FGB: variants seen among roughly 807,000 people sequenced by gnomAD.
The protein encoded by FGB is beta-fibrinogen.
Under a neutral mutation model 57.9 loss-of-function variants are expected in FGB, and 25 were observed. The ratio of observed to expected loss-of-function variants is 0.43; its 90% CI spans 0.31 to 0.60. The LOEUF is 0.60. Ranked by LOEUF, FGB falls within the 20% of genes least tolerant of loss-of-function variation. The pLI is 0.08. For synonymous variants in FGB, 203 were observed against 199.2 expected (o/e 1.02, Z -0.16); for missense variants, 536 against 598.4 (o/e 0.90, Z 1.09).
Position 154,569,650 on chromosome 4 carries a change from C to T in FGB, c.1095C>T (p.Ala365=). The change falls in exon 7 of 8, where the codon GCC becomes GCT. Residue 365 remains alanine (A), a synonymous_variant. Transcript: ENST00000302068. ...HYGGFTVQNE[A]NKYQISVNKY... is the part of the protein sequence containing the mutation. ...GAGGATTCACTGTACAGAATGAAGCCAACAAATACCAGATCTCAGTGAACA... is the reference window on the plus strand; with the variant it reads ...GAGGATTCACTGTACAGAATGAAGCTAACAAATACCAGATCTCAGTGAACA... 1 of 1,613,998 alleles carries T rather than the reference C, an allele frequency of 6.2e-7. No individual in the cohort carries two copies.
At chr4:154,564,116 C>T (rs1560816098) in intron 1 of FGB, among the ~76,000 whole-genome samples, 1 of 151,828 alleles carries the variant, frequency 6.6e-6, no homozygotes, top group African/African-American at 2.4e-5. Flanking sequence ...ATGTGTAAGA[C>T]GAAATTTTTG....
rs1262507321 is a variant in FGB at position 154,570,833 on chromosome 4, A to G, written c.*183A>G. On this transcript the variant is annotated 3_prime_UTR_variant, in exon 8 of 8. Transcript: ENST00000302068. The stretch of plus-strand genomic sequence containing the variant: ...CACATGATTTTCTTTTGTTTTCTTC[A>G]TTTCTCTTGCTCACCAAGAAGTAAC... 8 of 641,532 alleles carry G rather than the reference A, an allele frequency of 1.2e-5. No individual in the cohort carries two copies. The highest frequency in any genetic ancestry group is 2.4e-5 in the Admixed American group (1 of 41,216). The allele number at this position is 641,532 out of a possible 1,614,324, so 39.7% of individuals were successfully genotyped here. A position where few individuals can be genotyped will look rare whatever the true frequency, so the allele number is the denominator to read the frequency against.
In FGB at chr4:154,567,827, G is replaced by A. The variant is rs766764499; in HGVS notation, c.718+7G>A. The A allele has an allele frequency of 6.3e-7, 1 of 1,592,404 alleles. No individual in the cohort carries two copies. The highest frequency in any genetic ancestry group is 2.2e-5 in the East Asian group (1 of 44,776). On this transcript the variant is annotated splice_region_variant and intron_variant, in intron 4 of 7. Transcript: ENST00000302068. ...CCTGTGGTGTCTGGCAAAGGTAACT[G>A]ATTCATAAACATATTTTTAGAGAGT...
chr4:154,567,898 C>A (rs906281760), intron 4 of FGB, 78 bp downstream of exon 4: 18 of 1,025,754 alleles, frequency 1.8e-5, no homozygotes, highest in African/African-American at 7.8e-5. Context: ...ACAACAACAA[C>A]AAAAATGCTA....
At position 154,566,832 on chromosome 4, in the gene FGB, C is replaced by T. The variant is rs2227407; in HGVS notation, c.490+160C>T. Reference sequence around the variant, plus strand: ...TCCCCTGCAACTTGCCAGATAAGCACTATTCAGCTCTTATTCCCAGTCTGA... The same window carrying T: ...TCCCCTGCAACTTGCCAGATAAGCATTATTCAGCTCTTATTCCCAGTCTGA... On this transcript the variant is annotated intron_variant, in intron 3 of 7. Coordinates refer to ENST00000302068, the MANE Select transcript of FGB (RefSeq NM_005141.5). 124,410 of 676,624 alleles carry T rather than the reference C, an allele frequency of 0.18. 12,326 individuals carry two copies. Among genetic ancestry groups the T allele is most frequent in the Middle Eastern group, 0.24 (623 of 2,568 alleles). The allele number at this position is 676,624 out of a possible 1,614,324, so 41.9% of individuals were successfully genotyped here.
chr4:154,570,693 T>G lies in FGB; in HGVS notation c.*43T>G. 1 of 1,426,374 alleles carries G rather than the reference T, an allele frequency of 7.0e-7. No individual in the cohort carries two copies. 88.4% of individuals were successfully genotyped at this position (1,426,374 alleles called of 1,614,324 possible). On this transcript the variant is annotated 3_prime_UTR_variant, in exon 8 of 8. Transcript: ENST00000302068. Reference sequence around the variant, plus strand: ...TTTGCTCTTCTGTATGTGACAACATTTTTGTACATTATGTTATTGGAATTT... The same window carrying G: ...TTTGCTCTTCTGTATGTGACAACATGTTTGTACATTATGTTATTGGAATTT...
chr4:154,566,118 AT>A, intron 2 of FGB, 119 bp downstream of exon 2: 1 of 906,588 alleles, frequency 1.1e-6, no homozygotes, highest in Non-Finnish European at 1.7e-6. Context: ...TTGTTTGTTT[AT>A]TTTGGAAATA....
intron 5 of FGB, 44 bp downstream of exon 5, chr4:154,568,538 G>A (rs1421424542): frequency 9.3e-7 from 1 of 1,074,338 alleles, no homozygotes; most frequent in Non-Finnish European, 1.4e-6. Flanking sequence ...GTAATTATTT[G>A]GATACCGTAA....
rs575941477 is a variant in FGB at position 154,571,894 on chromosome 4, A to T, written c.*1244A>T. The stretch of plus-strand genomic sequence containing the variant: ...CCTCTTAATCTTTTCATGTAAGCAA[A>T]GCTCATTAATTTCTGTCTTGGAAAT... On this transcript the variant is annotated 3_prime_UTR_variant, in exon 8 of 8. Transcript: ENST00000302068. 6.6e-6 allele frequency among the ~76,000 whole-genome samples: 1 copy of T among 152,092 alleles called. No individual in the cohort carries two copies. The highest frequency in any genetic ancestry group is 1.5e-5 in the Non-Finnish European group (1 of 68,018).
At position 154,569,743 on chromosome 4, in the gene FGB, C is replaced by G. The variant is rs1398387017; in HGVS notation, c.1188C>G (p.Thr396=). The change falls in exon 7 of 8, where the codon ACC becomes ACG. Residue 396 remains threonine (T), a synonymous_variant. Coordinates refer to ENST00000302068, the MANE Select transcript of FGB (RefSeq NM_005141.5). ...GASQLMGENR[T]MTIHNGMFFS... ...CTCAGCTGATGGGAGAAAACAGGAC[C>G]ATGACCATTCACAACGGCATGTTCT... is the stretch of plus-strand genomic sequence containing the variant. 10 of 1,614,116 alleles carry G rather than the reference C, an allele frequency of 6.2e-6. No homozygotes were observed. The highest frequency in any genetic ancestry group is 8.5e-6 in the Non-Finnish European group (10 of 1,180,016).
intron 2 of FGB, 149 bp downstream of exon 2, chr4:154,566,148 T>C: frequency 1.2e-6 from 1 of 822,866 alleles, no homozygotes; most frequent in African/African-American, 1.7e-5. Flanking sequence ...AACATAAACA[T>C]ATTGGGCCTT....
rs1730326972 is a variant in FGB at position 154,569,603 on chromosome 4, G to A, written c.1048G>A (p.Asp350Asn). Residue 350 changes from aspartate to asparagine, a missense_variant, in exon 7 of 8, where the codon GAC (aspartate) becomes AAC (asparagine). Physicochemically the swap from Asp to Asn is conservative, Grantham distance 23. Coordinates refer to ENST00000302068, the MANE Select transcript of FGB (RefSeq NM_005141.5). ...GATAGAAATGGAGGACTGGAAAGGAGACAAAGTAAAGGCTCACTATGGAGG... is the reference window on the plus strand; with the variant it reads ...GATAGAAATGGAGGACTGGAAAGGAAACAAAGTAAAGGCTCACTATGGAGG... ...LLIEMEDWKG[D>N]KVKAHYGGFT... 11 of 1,614,124 alleles carry A rather than the reference G, an allele frequency of 6.8e-6. No individual in the cohort carries two copies. Among genetic ancestry groups the A allele is most frequent in the Non-Finnish European group, 9.3e-6 (11 of 1,180,014 alleles).
Position 154,568,511 on chromosome 4 carries a change from T to TCAACAACTGTCGAAA in FGB, c.832+17_832+18insCAACAACTGTCGAAA. On this transcript the variant is annotated intron_variant, in intron 5 of 7. Transcript: ENST00000302068. Reference sequence around the variant, plus strand: ...AAAATGGAGGTAAGCTTTCGACAGTTGTTGACCTGTTGATCTGTAATTATT... The same window carrying TCAACAACTGTCGAAA: ...AAAATGGAGGTAAGCTTTCGACAGTTCAACAACTGTCGAAAGTTGACCTGTTGATCTGTAATTATT... 8.1e-7 allele frequency: 1 copy of TCAACAACTGTCGAAA among 1,230,990 alleles called. No homozygotes were observed. Among genetic ancestry groups the TCAACAACTGTCGAAA allele is most frequent in the Non-Finnish European group, 1.2e-6 (1 of 830,770 alleles). 76.3% of individuals were successfully genotyped at this position (1,230,990 alleles called of 1,614,324 possible).
chr4:154,568,366 G>A lies in FGB; in HGVS notation c.719-15G>A, dbSNP rs773671572. 19 of 1,309,254 alleles carry A rather than the reference G, an allele frequency of 1.5e-5. No individual in the cohort carries two copies. The highest frequency in any genetic ancestry group is 2.1e-5 in the Non-Finnish European group (19 of 901,742). 81.1% of individuals were successfully genotyped at this position (1,309,254 alleles called of 1,614,324 possible). On this transcript the variant is annotated splice_polypyrimidine_tract_variant and intron_variant, in intron 4 of 7. Coordinates refer to ENST00000302068, the MANE Select transcript of FGB (RefSeq NM_005141.5). ...GTCATAAACCCCTGAACATAATGTTGTCTTACATTTGCAGAATGTGAGGAA... is the reference window on the plus strand; with the variant it reads ...GTCATAAACCCCTGAACATAATGTTATCTTACATTTGCAGAATGTGAGGAA...
At position 154,570,705 on chromosome 4, in the gene FGB, T is replaced by C. The variant is rs1730389079; in HGVS notation, c.*55T>C. On this transcript the variant is annotated 3_prime_UTR_variant, in exon 8 of 8. Coordinates refer to ENST00000302068, the MANE Select transcript of FGB (RefSeq NM_005141.5). Reference sequence around the variant, plus strand: ...TATGTGACAACATTTTTGTACATTATGTTATTGGAATTTTCTTTCATACAT... The same window carrying C: ...TATGTGACAACATTTTTGTACATTACGTTATTGGAATTTTCTTTCATACAT... The C allele has an allele frequency of 2.2e-6, 3 of 1,356,160 alleles. No individual in the cohort carries two copies. Among genetic ancestry groups the C allele is most frequent in the Non-Finnish European group, 3.2e-6 (3 of 949,944 alleles). The allele number at this position is 1,356,160 out of a possible 1,614,324, so 84.0% of individuals were successfully genotyped here. A position where few individuals can be genotyped will look rare whatever the true frequency, so the allele number is the denominator to read the frequency against.
rs57313183 is a variant in FGB, at chr4:154,571,468, CA to C, written c.*834del. The stretch of plus-strand genomic sequence containing the variant: ...TGGGCAACAGCGTGAGACTCCACCT[CA>C]AAAAAAAAAAAAAAAGAATCTGACT... On this transcript the variant is annotated 3_prime_UTR_variant, in exon 8 of 8. Transcript: ENST00000302068. 0.18 allele frequency among the ~76,000 whole-genome samples: 20,076 copies of C among 109,452 alleles called. 1,558 individuals are homozygous for C. The highest frequency in any genetic ancestry group is 0.29 in the East Asian group (1,076 of 3,692). 71.8% of individuals were successfully genotyped at this position (109,452 alleles called of 152,430 possible).
At position 154,566,657 on chromosome 4, in the gene FGB, C is replaced by T; in HGVS notation, c.475C>T (p.Gln159Ter). The T allele has an allele frequency of 6.2e-7, 1 of 1,614,102 alleles. No individual in the cohort carries two copies. Among genetic ancestry groups the T allele is most frequent in the Non-Finnish European group, 8.5e-7 (1 of 1,180,000 alleles). The part of the protein sequence containing the change: ...YLLKDLWQKR[Q>*]KQVKDNENVV... ...GCTGAAAGACCTGTGGCAAAAGAGG[C>T]AGAAGCAAGTAAAAGGTAGATATCC... The change falls in exon 3 of 8, where the codon CAG becomes TAG. Residue 159 changes from glutamine to a stop codon, truncating the protein, a stop_gained. Transcript: ENST00000302068. LOFTEE classifies it high-confidence loss of function.
At chr4:154,565,652 A>G (rs1730123086) in intron 1 of FGB, 156 bp from the exon 2 acceptor site, 2 of 713,280 alleles carry the variant, frequency 2.8e-6, no homozygotes, top group Admixed American at 2.6e-5. Context: ...ACAGTAAGCA[A>G]CCTACAGATT....
rs1453423028 is a variant in FGB, at chr4:154,565,889, A to C, written c.196A>C (p.Ile66Leu). Residue 66 changes from isoleucine to leucine, a missense_variant, in exon 2 of 8, where the codon ATC becomes CTC. This residue lies in a region of FGB where 354 missense variants were observed against 383.4 expected (regional missense o/e 0.92). Coordinates refer to ENST00000302068, the MANE Select transcript of FGB (RefSeq NM_005141.5). ...CAGCCTGAGGCCTGCCCCACCGCCC[A>C]TCAGTGGAGGTGGCTATCGGGCTCG... ...APSLRPAPPP[I>L]SGGGYRARPA... The C allele has an allele frequency of 6.2e-7, 1 of 1,614,002 alleles. No individual in the cohort carries two copies. The highest frequency in any genetic ancestry group is 1.1e-5 in the South Asian group (1 of 91,082).
Sources: gnomAD v4.1 joint callset for allele counts (sites outside exome capture counted in the v4.1 genomes callset) on GRCh38, gnomAD v4.1.1 for gene constraint, gnomAD v4.1.1 regional missense constraint, MANE v1.5 for transcripts, NCBI Gene and HGNC (gene_info 2026-07-23, HGNC 2026-07-21) for gene names.